The following ANXA1 variants were observed in gnomAD, a reference collection of about 807,000 sequenced individuals.
ANXA1 encodes the protein annexin I (lipocortin I).
A neutral mutation model predicts 47.9 loss-of-function variants in ANXA1; 39 were observed. The observed-to-expected ratio is 0.81, with a 90% CI of 0.63 to 1.06. The LOEUF (loss-of-function observed/expected upper bound fraction) is 1.06. Ranked by LOEUF, ANXA1 falls within the 50% of genes least tolerant of loss-of-function variation. The probability of loss-of-function intolerance (pLI) is 0.00; values close to 1 mark genes in which losing one functional copy is unlikely to be tolerated. For missense variants in ANXA1, 446 were observed against 422.7 expected (o/e 1.06, Z -0.48); for synonymous variants, 146 against 142.5 (o/e 1.02, Z -0.17).
chr9:73,166,262 C>G, intron 10 of ANXA1, 70 bp downstream of exon 10: 1 of 1,076,708 alleles, frequency 9.3e-7, no homozygotes, highest in East Asian at 2.5e-5. Context: ...CTATACTTAA[C>G]AAGAACAACA....
At chr9:73,162,179 C>T (rs1824154194) in intron 6 of ANXA1, among the ~76,000 whole-genome samples, 5 of 152,116 alleles carry the variant, frequency 3.3e-5, no homozygotes, top group Admixed American at 3.3e-4. Flanking sequence ...CCCAACAGGC[C>T]CCACCTTCAA....
intron 7 of ANXA1, 107 bp from the exon 8 acceptor site, chr9:73,163,369 A>G: frequency 1.8e-6 from 2 of 1,116,712 alleles, no homozygotes; most frequent in Non-Finnish European, 2.6e-6. Flanking sequence ...TGAGTAATAG[A>G]ATACCTTTTT....
chr9:73,156,077 T>C (rs1824040974), intron 1 of ANXA1, among the ~76,000 whole-genome samples: 1 of 147,528 alleles, frequency 6.8e-6, no homozygotes. Context: ...TCTTTTGAAG[T>C]TTTTATTTGC....
At chr9:73,158,665 G>A (rs1563961614) in intron 2 of ANXA1, 30 bp from the exon 3 acceptor site, 3 of 1,610,030 alleles carry the variant, frequency 1.9e-6, no homozygotes, top group Non-Finnish European at 2.5e-6. Context: ...TAAGTAAATG[G>A]CCATTAATTT....
rs151195806 is a variant in ANXA1 at position 73,169,278 on chromosome 9, G to A, written c.984+124G>A. On this transcript the variant is annotated intron_variant, in intron 12 of 12. Transcript: ENST00000257497. ...ATGTAAGATTAATTTAATATATTAT[G>A]GTGTATACTTCATGAGTAAATTGAA... 2.0e-3 allele frequency: 2,056 copies of A among 1,041,580 alleles called. 26 individuals carry two copies. The African/African-American group carries it at 0.029, about 15-fold the overall frequency. 64.5% of individuals were successfully genotyped at this position (1,041,580 alleles called of 1,614,324 possible). A position where few individuals can be genotyped will look rare whatever the true frequency, so the allele number is the denominator to read the frequency against.
intron 6 of ANXA1, 136 bp from the exon 7 acceptor site, chr9:73,162,646 A>G: frequency 3.9e-6 from 2 of 515,020 alleles, no homozygotes; most frequent in Non-Finnish European, 6.6e-6. Context: ...TTTAAAAATG[A>G]TAATATTTTG....
intron 6 of ANXA1, among the ~76,000 whole-genome samples, chr9:73,161,977 G>A (rs1266652179): frequency 2.0e-5 from 3 of 152,124 alleles, no homozygotes; most frequent in Admixed American, 1.3e-4. Flanking sequence ...TGGGACCAGC[G>A]TCTGCTTTTG....
At chr9:73,152,852 A>G (rs949363052) in intron 1 of ANXA1, among the ~76,000 whole-genome samples, 1 of 152,232 alleles carries the variant, frequency 6.6e-6, no homozygotes, top group African/African-American at 2.4e-5. Flanking sequence ...TGTTCCTTCA[A>G]GAATTTTTCT....
In ANXA1 at chr9:73,165,192, A is replaced by T. The variant is rs763074908; in HGVS notation, c.689A>T (p.Tyr230Phe). 1 of 1,612,628 alleles carries T rather than the reference A, an allele frequency of 6.2e-7. No homozygotes were observed. Among genetic ancestry groups the T allele is most frequent in the African/African-American group, 1.3e-5 (1 of 74,970 alleles). ...VFNTILTTRS[Y>F]PQLRRVFQKY... ...AATACCATCCTTACCACCAGAAGCTATCCACAACTTCGCAGAGGTAACAAT... is the reference window on the plus strand; with the variant it reads ...AATACCATCCTTACCACCAGAAGCTTTCCACAACTTCGCAGAGGTAACAAT... The change falls in exon 9 of 13, where the codon TAT becomes TTT. Residue 230 changes from tyrosine to phenylalanine, a missense_variant. Physicochemically the swap from Tyr to Phe is conservative, Grantham distance 22. Transcript: ENST00000257497.
rs778298033 is a variant in ANXA1, at chr9:73,169,124, G to A, written c.954G>A (p.Met318Ile). ...ATATCAAAGCATTCTATCAGAAGATGTATGGTATCTCCCTTTGCCAAGCCA... is the reference window on the plus strand; with the variant it reads ...ATATCAAAGCATTCTATCAGAAGATATATGGTATCTCCCTTTGCCAAGCCA... The part of the protein sequence containing the change: ...MNDIKAFYQK[M>I]YGISLCQAIL... The change falls in exon 12 of 13, where the codon ATG becomes ATA. Residue 318 changes from methionine to isoleucine, a missense_variant. Coordinates refer to ENST00000257497, the MANE Select transcript of ANXA1 (RefSeq NM_000700.3). 1 of 1,613,010 alleles carries A rather than the reference G, an allele frequency of 6.2e-7. No homozygotes were observed. The highest frequency in any genetic ancestry group is 2.2e-5 in the East Asian group (1 of 44,852).
intron 8 of ANXA1, 69 bp downstream of exon 8, chr9:73,163,601 C>T (rs1824180421): frequency 7.2e-6 from 11 of 1,519,734 alleles, no homozygotes; most frequent in African/African-American, 1.4e-5. Context: ...CCACATGATC[C>T]CCTGTGAAAG....
rs1824017488 is a variant in ANXA1, at chr9:73,154,484, G to A, written c.-15+2560G>A. 3 of 681,814 alleles carry A rather than the reference G, an allele frequency of 4.4e-6. No individual in the cohort carries two copies. In the East Asian group the frequency reaches 2.0e-4, roughly 45 times the overall value. The allele number at this position is 681,814 out of a possible 1,614,324, so 42.2% of individuals were successfully genotyped here. ...AGAGTCTTGTTATGTCGCCCAGGATGGAGTGTAGTGGTACAATCTCGGCTC... is the reference window on the plus strand; with the variant it reads ...AGAGTCTTGTTATGTCGCCCAGGATAGAGTGTAGTGGTACAATCTCGGCTC... On this transcript the variant is annotated intron_variant, in intron 1 of 12. Coordinates refer to ENST00000257497, the MANE Select transcript of ANXA1 (RefSeq NM_000700.3).
intron 12 of ANXA1, among the ~76,000 whole-genome samples, 162 bp from the exon 13 acceptor site, chr9:73,169,889 G>A (rs533090652): frequency 5.9e-5 from 9 of 152,160 alleles, no homozygotes; most frequent in African/African-American, 2.2e-4. Flanking sequence ...TTTATGCAAT[G>A]ATAAAAAATC....
At chr9:73,157,588 A>C (rs761773087) in intron 1 of ANXA1, 1 of 136,606 alleles carries the variant, frequency 7.3e-6, no homozygotes, top group Non-Finnish European at 1.5e-5. Context: ...CAGGAGACGG[A>C]GGTTGCAGTG....
chr9:73,152,469 A>G (rs1563959835), intron 1 of ANXA1, among the ~76,000 whole-genome samples: 1 of 152,200 alleles, frequency 6.6e-6, no homozygotes, highest in African/African-American at 2.4e-5. Flanking sequence ...TGTAATAAAC[A>G]TTTAAAAATA....
At chr9:73,162,232 C>A (rs528416924) in intron 6 of ANXA1, among the ~76,000 whole-genome samples, 1 of 152,152 alleles carries the variant, frequency 6.6e-6, no homozygotes, top group Non-Finnish European at 1.5e-5. Flanking sequence ...CAGGGCCAAA[C>A]AAACAATATG....
chr9:73,157,376 G>A (rs1824064131), intron 1 of ANXA1, among the ~76,000 whole-genome samples: 1 of 152,068 alleles, frequency 6.6e-6, no homozygotes, highest in Admixed American at 6.6e-5. Flanking sequence ...ATCATTGGCT[G>A]GGAGTGGTAG....
chr9:73,167,392 G>A (rs1184891060), intron 10 of ANXA1, 105 bp from the exon 11 acceptor site: 1 of 966,612 alleles, frequency 1.0e-6, no homozygotes, highest in South Asian at 1.5e-5. Flanking sequence ...ATGATGATGA[G>A]GGATAGAACA....
Position 73,159,348 on chromosome 9 carries a change from C to T in ANXA1, c.195C>T (p.Ile65=). ...IMVKGVDEAT[I]IDILTKRNNA... ...TTCCAGGTGTGGATGAAGCAACCAT[C>T]ATTGACATTCTAACTAAGCGAAACA... The change falls in exon 4 of 13, where the codon ATC becomes ATT. Residue 65 remains isoleucine (I), a synonymous_variant. Transcript: ENST00000257497. The T allele has an allele frequency of 6.2e-7, 1 of 1,613,252 alleles. No homozygotes were observed.
Sources: gnomAD v4.1 joint callset for allele counts (sites outside exome capture counted in the v4.1 genomes callset) on GRCh38, gnomAD v4.1.1 for gene constraint, MANE v1.5 for transcripts, NCBI Gene and HGNC (gene_info 2026-07-23, HGNC 2026-07-21) for gene names.